The following GPD1L variants were observed in gnomAD, a reference collection of about 807,000 sequenced individuals.
GPD1L encodes the protein glycerol-3-phosphate dehydrogenase 1 like.
Under a neutral mutation model 32.9 loss-of-function variants are expected in GPD1L, and 17 were observed. That is an observed-to-expected ratio of 0.52 (90% confidence interval 0.35 to 0.78). The LOEUF (loss-of-function observed/expected upper bound fraction) is 0.78. Among genes scored for constraint, GPD1L ranks in the 30% least tolerant of loss-of-function variants. GPD1L has a pLI of 0.01. For synonymous variants in GPD1L, 187 were observed against 165.9 expected, an observed-to-expected ratio of 1.13 and a Z score of -0.98; for missense variants, 361 against 447.8, an observed-to-expected ratio of 0.81 and a Z score of 1.75.
At chr3:32,124,256 A>G (rs1177214946) in intron 1 of GPD1L, among the ~76,000 whole-genome samples, 1 of 152,114 alleles carries the variant, frequency 6.6e-6, no homozygotes, top group Non-Finnish European at 1.5e-5. Flanking sequence ...TAGTAGAGAC[A>G]GGGTTTCACC....
intron 6 of GPD1L, 67 bp from the exon 7 acceptor site, chr3:32,159,501 T>C: frequency 1.0e-6 from 1 of 995,060 alleles, no homozygotes; most frequent in Non-Finnish European, 1.5e-6. Context: ...ACTTAAAAAT[T>C]AAACAAATAA....
intron 1 of GPD1L, among the ~76,000 whole-genome samples, chr3:32,110,010 C>T (rs1400445970): frequency 8.5e-5 from 13 of 152,260 alleles, no homozygotes; most frequent in Admixed American, 6.5e-4. Flanking sequence ...CTTCGCCTCG[C>T]GGGTTCACGC....
chr3:32,107,341 G>T (rs532373907), intron 1 of GPD1L, among the ~76,000 whole-genome samples: 12 of 152,346 alleles, frequency 7.9e-5, no homozygotes, highest in African/African-American at 2.6e-4. Context: ...TCCCTGAGGC[G>T]TTGAGAATTC....
intron 1 of GPD1L, among the ~76,000 whole-genome samples, chr3:32,117,113 G>C (rs944487430): frequency 5.3e-5 from 8 of 152,184 alleles, no homozygotes; most frequent in Admixed American, 3.9e-4. Flanking sequence ...TCATGTAACT[G>C]TGTCTTGAAG....
intron 7 of GPD1L, among the ~76,000 whole-genome samples, chr3:32,165,323 A>T (rs997666282): frequency 6.6e-6 from 1 of 151,902 alleles, no homozygotes; most frequent in African/African-American, 2.4e-5. Context: ...CTGACATAAG[A>T]TGAGTGCTTT....
chr3:32,115,230 G>A (rs145650093), intron 1 of GPD1L, among the ~76,000 whole-genome samples: 98 of 152,196 alleles, frequency 6.4e-4, no homozygotes, highest in African/African-American at 2.1e-3. Flanking sequence ...TAGACACAGA[G>A]TGCTGATTGG....
chr3:32,139,195 C>T (rs1406394786), intron 3 of GPD1L, among the ~76,000 whole-genome samples: 2 of 152,142 alleles, frequency 1.3e-5, no homozygotes, highest in African/African-American at 2.4e-5. Context: ...TCATTTTAAC[C>T]TCTAAGTGAA....
intron 1 of GPD1L, among the ~76,000 whole-genome samples, chr3:32,125,600 T>C (rs1040598505): frequency 2.0e-5 from 3 of 152,240 alleles, no homozygotes; most frequent in Non-Finnish European, 4.4e-5. Context: ...TGTATTGCAG[T>C]TGGTTCCTTT....
chr3:32,151,100 G>A (rs1048789845), intron 5 of GPD1L: 6 of 430,228 alleles, frequency 1.4e-5, no homozygotes, highest in Non-Finnish European at 2.7e-5. Flanking sequence ...TGAATTCATA[G>A]AGAATAAGTC....
chr3:32,131,349 A>G (rs1489356025), intron 2 of GPD1L, among the ~76,000 whole-genome samples: 1 of 152,188 alleles, frequency 6.6e-6, no homozygotes. Flanking sequence ...CATCAATTTT[A>G]ACACATTTTC....
intron 1 of GPD1L, among the ~76,000 whole-genome samples, chr3:32,111,357 TCTGA>T (rs1700243499): frequency 6.6e-6 from 1 of 152,204 alleles, no homozygotes; most frequent in African/African-American, 2.4e-5. Flanking sequence ...AGCTTGGGAA[TCTGA>T]CTGCCTACGT....
chr3:32,118,819 C>T (rs567716890), intron 1 of GPD1L, among the ~76,000 whole-genome samples: 25 of 152,314 alleles, frequency 1.6e-4, no homozygotes, highest in African/African-American at 6.0e-4. Context: ...TACTTTCTGT[C>T]TCTATGAATT....
intron 4 of GPD1L, 113 bp from the exon 5 acceptor site, chr3:32,146,509 A>C (rs1205613706): frequency 2.7e-6 from 2 of 737,114 alleles, no homozygotes; most frequent in Non-Finnish European, 2.5e-6. Flanking sequence ...TAAATATCCT[A>C]TCATGAACAT....
intron 5 of GPD1L, chr3:32,151,348 C>T: frequency 1.5e-6 from 1 of 685,102 alleles, no homozygotes; most frequent in Non-Finnish European, 2.6e-6. Flanking sequence ...CAGCAGCATG[C>T]TGGGTAACAT....
intron 5 of GPD1L, among the ~76,000 whole-genome samples, chr3:32,149,433 A>G (rs76415672): frequency 0.011 from 1,606 of 152,344 alleles, 16 homozygotes; most frequent in Non-Finnish European, 0.016. Flanking sequence ...TACAAAATGT[A>G]CATTATCTTT....
chr3:32,145,822 T>C (rs1383382867), intron 4 of GPD1L, among the ~76,000 whole-genome samples: 3 of 152,222 alleles, frequency 2.0e-5, no homozygotes, highest in Non-Finnish European at 4.4e-5. Context: ...CTCAGCTAAA[T>C]GAAAGAACAG....
intron 2 of GPD1L, among the ~76,000 whole-genome samples, chr3:32,130,557 G>A (rs1297076046): frequency 6.6e-6 from 1 of 152,072 alleles, no homozygotes; most frequent in East Asian, 1.9e-4. Flanking sequence ...TCATCATGTG[G>A]CCCCTCCCAC....
chr3:32,160,678 C>G (rs1701063198), intron 7 of GPD1L, among the ~76,000 whole-genome samples: 1 of 152,000 alleles, frequency 6.6e-6, no homozygotes, highest in South Asian at 2.1e-4. Context: ...TGCATCCATC[C>G]TCCATTGCCC....
chr3:32,159,723 A>T lies in GPD1L; in HGVS notation c.959+49A>T, dbSNP rs1178598675. On this transcript the variant is annotated intron_variant, in intron 7 of 7. Transcript: ENST00000282541. Reference sequence around the variant, plus strand: ...GACCAGATAAATGTCCATCATTCCTATTCTCAGGACTTCCAGCCCCACGGA... The same window carrying T: ...GACCAGATAAATGTCCATCATTCCTTTTCTCAGGACTTCCAGCCCCACGGA... 4.4e-6 allele frequency: 5 copies of T among 1,127,564 alleles called. No homozygotes were observed. In the East Asian group the frequency reaches 1.2e-4, roughly 26 times the overall value. The allele number at this position is 1,127,564 out of a possible 1,614,324, so 69.8% of individuals were successfully genotyped here.
Sources: gnomAD v4.1 joint callset for allele counts (sites outside exome capture counted in the v4.1 genomes callset) on GRCh38, gnomAD v4.1.1 for gene constraint, MANE v1.5 for transcripts, NCBI Gene and HGNC (gene_info 2026-07-23, HGNC 2026-07-21) for gene names.